The following EPHA6 variants were observed in gnomAD, a reference collection of about 807,000 sequenced individuals.
EPHA6 encodes ephrin type-A receptor 6.
EPHA6 carries 50 observed loss-of-function variants against 112.0 expected under a neutral mutation model. That is an observed-to-expected ratio of 0.45 (90% CI 0.36 to 0.56). The LOEUF (loss-of-function observed/expected upper bound fraction) is 0.56, where lower values mean the gene tolerates loss of function less well. EPHA6 is among the 20% of genes least tolerant of loss of function. The pLI is 0.00. For missense variants in EPHA6, 1,280 were observed against 1,417.4 expected, an observed-to-expected ratio of 0.90 and a Z score of 1.56; for synonymous variants, 529 against 490.7, an observed-to-expected ratio of 1.08 and a Z score of -1.03.
chr3:97,561,605 T>C (rs1272940976), intron 11 of EPHA6, among the ~76,000 whole-genome samples: 1 of 152,064 alleles, frequency 6.6e-6, no homozygotes, highest in African/African-American at 2.4e-5. Flanking sequence ...CTCTGTAACA[T>C]AAAAGTGCAA....
chr3:97,373,130 C>A (rs1374676321), intron 5 of EPHA6, among the ~76,000 whole-genome samples: 1 of 152,060 alleles, frequency 6.6e-6, no homozygotes, highest in Non-Finnish European at 1.5e-5. Flanking sequence ...ATTTGCTTCT[C>A]TATTTTTTGT....
chr3:97,169,202 AC>A (rs1183889116), intron 3 of EPHA6, among the ~76,000 whole-genome samples: 1 of 152,092 alleles, frequency 6.6e-6, no homozygotes, highest in African/African-American at 2.4e-5. Context: ...TGGCCATTAA[AC>A]CACTAGTTTA....
At chr3:97,127,491 G>A (rs988001951) in intron 3 of EPHA6, among the ~76,000 whole-genome samples, 4 of 152,044 alleles carry the variant, frequency 2.6e-5, no homozygotes, top group Non-Finnish European at 4.4e-5. Context: ...AGGCCAAGGC[G>A]GGCAGATCAT....
At chr3:97,596,879 T>TATATATATATATATATATATGGA (rs2093597400) in intron 12 of EPHA6, among the ~76,000 whole-genome samples, 2 of 28,676 alleles carry the variant, frequency 7.0e-5, no homozygotes, top group Non-Finnish European at 5.8e-4. Flanking sequence ...CTATGGAATA[T>TATATATATATATATATATATGGA]ATATATATAT....
intron 3 of EPHA6, among the ~76,000 whole-genome samples, chr3:97,174,028 C>G (rs185745082): frequency 1.5e-4 from 22 of 151,686 alleles, no homozygotes; most frequent in African/African-American, 3.1e-4. Context: ...CCTTCCCCCC[C>G]AGTCCCCCAC....
chr3:97,141,746 C>A (rs2075910976), intron 3 of EPHA6, among the ~76,000 whole-genome samples: 1 of 151,808 alleles, frequency 6.6e-6, no homozygotes, highest in Non-Finnish European at 1.5e-5. Flanking sequence ...CTGAAATTAA[C>A]AACCTAATAT....
At chr3:97,608,232 T>C (rs2093693750) in intron 12 of EPHA6, among the ~76,000 whole-genome samples, 1 of 151,284 alleles carries the variant, frequency 6.6e-6, no homozygotes, top group Admixed American at 6.6e-5. Flanking sequence ...TTTATTATTC[T>C]TAATGAGAAG....
At chr3:97,098,166 G>T (rs994404860) in intron 3 of EPHA6, among the ~76,000 whole-genome samples, 1 of 151,824 alleles carries the variant, frequency 6.6e-6, no homozygotes, top group African/African-American at 2.4e-5. Context: ...TAGCAATGCG[G>T]CATATTACAC....
At chr3:96,848,143 A>G (rs1408707101) in intron 1 of EPHA6, among the ~76,000 whole-genome samples, 1 of 152,074 alleles carries the variant, frequency 6.6e-6, no homozygotes. Flanking sequence ...ATTAGATTTT[A>G]CTATTAATTT....
At chr3:97,140,458 G>T (rs1287226316) in intron 3 of EPHA6, among the ~76,000 whole-genome samples, 1 of 152,060 alleles carries the variant, frequency 6.6e-6, no homozygotes, top group East Asian at 1.9e-4. Context: ...ACCTATAATA[G>T]ATATCCCATC....
At chr3:97,102,648 A>C (rs2047438086) in intron 3 of EPHA6, among the ~76,000 whole-genome samples, 2 of 152,076 alleles carry the variant, frequency 1.3e-5, no homozygotes, top group African/African-American at 2.4e-5. Context: ...CAGTAATGGG[A>C]TTGCTGGGTT....
intron 6 of EPHA6, among the ~76,000 whole-genome samples, chr3:97,445,958 C>G (rs1331982785): frequency 1.3e-5 from 2 of 152,070 alleles, no homozygotes; most frequent in African/African-American, 4.8e-5. Flanking sequence ...CATACCCTAT[C>G]TAAACATATT....
At chr3:97,476,250 GA>G (rs1159341972) in intron 8 of EPHA6, among the ~76,000 whole-genome samples, 5 of 152,018 alleles carry the variant, frequency 3.3e-5, no homozygotes, top group African/African-American at 1.2e-4. Flanking sequence ...ATTCTAACAA[GA>G]AGATAAAATA....
chr3:97,164,345 T>A (rs189502072), intron 3 of EPHA6, among the ~76,000 whole-genome samples: 10 of 152,302 alleles, frequency 6.6e-5, no homozygotes, highest in Admixed American at 6.5e-4. Context: ...TAACCACAGA[T>A]GGCTAATTTG....
chr3:96,945,301 GCTGTT>G (rs2041196327), intron 2 of EPHA6, among the ~76,000 whole-genome samples: 1 of 151,954 alleles, frequency 6.6e-6, no homozygotes, highest in Non-Finnish European at 1.5e-5. Context: ...ATAGACCTGT[GCTGTT>G]CAAAACGGAA....
chr3:97,154,673 A>G (rs554675291), intron 3 of EPHA6, among the ~76,000 whole-genome samples: 9 of 152,298 alleles, frequency 5.9e-5, no homozygotes, highest in African/African-American at 1.9e-4. Flanking sequence ...TAATGCTATA[A>G]CATTTATAGT....
intron 13 of EPHA6, 99 bp downstream of exon 13, chr3:97,610,953 AT>A: frequency 1.0e-6 from 1 of 1,003,022 alleles, no homozygotes; most frequent in Non-Finnish European, 1.5e-6. Flanking sequence ...TTATTCATGG[AT>A]TTTCTGTGAA....
intron 2 of EPHA6, among the ~76,000 whole-genome samples, chr3:96,924,927 A>G (rs1306384294): frequency 1.3e-5 from 2 of 152,088 alleles, no homozygotes; most frequent in African/African-American, 4.8e-5. Flanking sequence ...TTATGTAACT[A>G]TGCAACATAT....
intron 3 of EPHA6, among the ~76,000 whole-genome samples, chr3:97,189,076 A>G (rs1576648515): frequency 6.6e-6 from 1 of 152,034 alleles, no homozygotes; most frequent in Admixed American, 6.6e-5. Flanking sequence ...CCACCATGAC[A>G]TTATTACATT....
Sources: gnomAD v4.1 joint callset for allele counts (sites outside exome capture counted in the v4.1 genomes callset) on GRCh38, gnomAD v4.1.1 for gene constraint, MANE v1.5 for transcripts, NCBI Gene and HGNC (gene_info 2026-07-23, HGNC 2026-07-21) for gene names.